SYT13: variants seen among roughly 807,000 people sequenced by gnomAD.
SYT13 encodes synaptotagmin-13.
SYT13 carries 21 observed loss-of-function variants against 38.6 expected under a neutral mutation model. The observed-to-expected ratio is 0.54, with a 90% CI of 0.39 to 0.78. The LOEUF is 0.78. SYT13 is among the 30% of genes least tolerant of loss of function. The pLI is 0.00. For missense variants in SYT13, 495 were observed against 548.7 expected, an observed-to-expected ratio of 0.90 and a Z score of 0.98; for synonymous variants, 241 against 237.6, an observed-to-expected ratio of 1.01 and a Z score of -0.13.
chr11:45,274,112 C>T (rs1164884122), intron 1 of SYT13, among the ~76,000 whole-genome samples: 2 of 152,156 alleles, frequency 1.3e-5, no homozygotes, highest in Admixed American at 6.5e-5. Flanking sequence ...TCATTTGATT[C>T]CCATTTTAGC....
chr11:45,262,943 A>C (rs1490376070), intron 1 of SYT13, among the ~76,000 whole-genome samples: 2 of 152,144 alleles, frequency 1.3e-5, no homozygotes, highest in Non-Finnish European at 2.9e-5. Context: ...TATTCCCAGA[A>C]GTGCCTTCAG....
intron 4 of SYT13, among the ~76,000 whole-genome samples, chr11:45,248,940 T>G (rs1050811458): frequency 6.6e-6 from 1 of 152,190 alleles, no homozygotes; most frequent in African/African-American, 2.4e-5. Context: ...TCTTTCTTCT[T>G]CCTTTCCCTG....
chr11:45,247,560 G>A (rs1000008936), intron 4 of SYT13, among the ~76,000 whole-genome samples: 4 of 152,118 alleles, frequency 2.6e-5, no homozygotes, highest in African/African-American at 9.7e-5. Context: ...AATTCAATGA[G>A]GTCTGGTACC....
intron 1 of SYT13, among the ~76,000 whole-genome samples, chr11:45,279,602 AT>A (rs1161479348): frequency 6.6e-6 from 1 of 152,184 alleles, no homozygotes; most frequent in Non-Finnish European, 1.5e-5. Flanking sequence ...ACATTTTAAT[AT>A]GGTTAAAATG....
At position 45,252,501 on chromosome 11, in the gene SYT13, C is replaced by A. The variant is rs547784718; in HGVS notation, c.766G>T (p.Gly256Trp). 1 of 1,613,820 alleles carries A rather than the reference C, an allele frequency of 6.2e-7. No homozygotes were observed. The highest frequency in any genetic ancestry group is 1.1e-5 in the South Asian group (1 of 91,074). ...CCGTCCAGGCCCAGGCGGAGCTCCC[C>A]GGCCACGCTGTGACGGGAGAAGCGG... ...CDRFSRHSVA[G>W]ELRLGLDGTS... Residue 256 changes from glycine to tryptophan, a missense_variant, in exon 4 of 6, where the codon GGG (glycine) becomes TGG (tryptophan). Transcript: ENST00000020926. The surrounding 1 kb of genome is among the most constrained non-coding windows in gnomAD (Gnocchi z 4.3).
In SYT13 at chr11:45,286,094, C is replaced by A. The variant is rs1421964410; in HGVS notation, c.114G>T (p.Gly38=). The A allele has an allele frequency of 2.5e-6, 4 of 1,606,706 alleles. No homozygotes were observed. The highest frequency in any genetic ancestry group is 2.5e-6 in the Non-Finnish European group (3 of 1,178,304). ...CGGGGTCCTGGTCCCGCGGCAGCAGCCCCTTCTTGGGGTGCATGTGCCGAC... is the reference window on the plus strand; with the variant it reads ...CGGGGTCCTGGTCCCGCGGCAGCAGACCCTTCTTGGGGTGCATGTGCCGAC... ...CLCRHMHPKK[G]LLPRDQDPDL... is the part of the protein sequence containing the mutation. Residue 38 remains glycine (G), a synonymous_variant, in exon 1 of 6, where the codon GGG becomes GGT. Transcript: ENST00000020926.
chr11:45,242,222 G>A lies in SYT13; in HGVS notation c.*1830C>T, dbSNP rs1854560039. 1 of 152,162 alleles carries A rather than the reference G, an allele frequency of 6.6e-6. No individual in the cohort carries two copies. Among genetic ancestry groups the A allele is most frequent in the Non-Finnish European group, 1.5e-5 (1 of 68,040 alleles). 9.4% of individuals were successfully genotyped at this position (152,162 alleles called of 1,614,324 possible). On this transcript the variant is annotated 3_prime_UTR_variant, in exon 6 of 6. Coordinates refer to ENST00000020926, the MANE Select transcript of SYT13 (RefSeq NM_020826.3). ...GTCCAAAGGCAGAATCCATGGTTCT[G>A]GAAATGCCACGATGCTTCTGGCACT...
rs1165626542 is a variant in SYT13 at position 45,244,375 on chromosome 11, GAAA to G, written c.977-22_977-20del. The G allele has an allele frequency of 6.2e-7, 1 of 1,601,826 alleles. No individual in the cohort carries two copies. On this transcript the variant is annotated intron_variant, in intron 5 of 5. Coordinates refer to ENST00000020926, the MANE Select transcript of SYT13 (RefSeq NM_020826.3). ...GAGACATCTGGGGAGGGGCAGAGGGGAAAAAGAGACAGAGAGAAGGGACAAGAG... is the reference window on the plus strand; with the variant it reads ...GAGACATCTGGGGAGGGGCAGAGGGGAAGAGACAGAGAGAAGGGACAAGAG...
chr11:45,274,919 ACT>A (rs1168618458), intron 1 of SYT13, among the ~76,000 whole-genome samples: 2 of 151,774 alleles, frequency 1.3e-5, no homozygotes, highest in South Asian at 4.2e-4. Context: ...GATTTAAAAA[ACT>A]CTCTCTAACG....
chr11:45,278,618 G>A (rs1222422160), intron 1 of SYT13, among the ~76,000 whole-genome samples: 1 of 152,124 alleles, frequency 6.6e-6, no homozygotes, highest in East Asian at 1.9e-4. Context: ...ATGCAGCACT[G>A]TTTTCTGCTA....
intron 2 of SYT13, 93 bp from the exon 3 acceptor site, chr11:45,254,497 C>T: frequency 7.9e-6 from 12 of 1,510,016 alleles, no homozygotes; most frequent in South Asian, 2.7e-5. Context: ...ATGCCAGGAA[C>T]CCAAACCCAA....
intron 1 of SYT13, among the ~76,000 whole-genome samples, chr11:45,281,351 G>A (rs1256937468): frequency 6.6e-6 from 1 of 152,108 alleles, no homozygotes; most frequent in Non-Finnish European, 1.5e-5. Flanking sequence ...TGTGACAGTG[G>A]GTGGCTGGGG....
intron 1 of SYT13, among the ~76,000 whole-genome samples, chr11:45,279,547 A>T (rs915368737): frequency 6.6e-6 from 1 of 152,230 alleles, no homozygotes; most frequent in Admixed American, 6.5e-5. Context: ...TGACCACGCC[A>T]CTGCACTCCA....
Position 45,286,164 on chromosome 11 carries a change from C to A in SYT13, c.44G>T (p.Gly15Val). ...CAACGCGAGGATGCTGGTGGCTGTG[C>A]CCAGCGTGGCGCCCAGCGCGATCAC... ...VPVIALGATL[G>V]TATSILALCG... The change falls in exon 1 of 6, where the codon GGC becomes GTC. Residue 15 changes from glycine to valine, a missense_variant. Transcript: ENST00000020926. 6.3e-7 allele frequency: 1 copy of A among 1,585,030 alleles called. No individual in the cohort carries two copies.
intron 4 of SYT13, among the ~76,000 whole-genome samples, chr11:45,246,888 A>G (rs756101130): frequency 2.0e-5 from 3 of 152,196 alleles, no homozygotes; most frequent in Non-Finnish European, 4.4e-5. Flanking sequence ...TCTGTCCTCT[A>G]GGGCCTCAGA....
Position 45,241,526 on chromosome 11 carries a change from A to G in SYT13, c.*2526T>C, listed in dbSNP as rs1194776558. The stretch of plus-strand genomic sequence containing the variant: ...CTCCCCCGCCCCGCCCCCCCAAAAA[A>G]AAGAAGAAGAAGAATGAAAGGATGC... On this transcript the variant is annotated 3_prime_UTR_variant, in exon 6 of 6. Coordinates refer to ENST00000020926, the MANE Select transcript of SYT13 (RefSeq NM_020826.3). 9.2e-6 allele frequency: 1 copy of G among 109,150 alleles called. No individual in the cohort carries two copies. Among genetic ancestry groups the G allele is most frequent in the African/African-American group, 3.1e-5 (1 of 32,724 alleles). The allele number at this position is 109,150 out of a possible 1,614,324, so 6.8% of individuals were successfully genotyped here. A position where few individuals can be genotyped will look rare whatever the true frequency, so the allele number is the denominator to read the frequency against.
chr11:45,271,226 A>T (rs1490822827), intron 1 of SYT13, among the ~76,000 whole-genome samples: 1 of 152,218 alleles, frequency 6.6e-6, no homozygotes, highest in Non-Finnish European at 1.5e-5. Flanking sequence ...GATATGGAAG[A>T]TGAAAGACAT....
chr11:45,271,915 T>C (rs1264770894), intron 1 of SYT13, among the ~76,000 whole-genome samples: 1 of 152,214 alleles, frequency 6.6e-6, no homozygotes, highest in Admixed American at 6.5e-5. Context: ...TGCAGCACTG[T>C]TCACAATAGC....
chr11:45,279,449 C>T (rs944915318), intron 1 of SYT13, among the ~76,000 whole-genome samples: 30 of 152,074 alleles, frequency 2.0e-4, no homozygotes, highest in South Asian at 8.3e-4. Context: ...TAGCCAGGTA[C>T]GGTGGCACAT....
Sources: allele counts gnomAD v4.1 joint callset (sites outside exome capture counted in the v4.1 genomes callset), GRCh38; gene constraint gnomAD v4.1.1; non-coding constraint Gnocchi (gnomAD v3.1); transcripts MANE v1.5; gene names NCBI Gene and HGNC (gene_info 2026-07-23, HGNC 2026-07-21).